Variants in PEX14 observed in about 807,000 individuals in gnomAD.
PEX14 encodes peroxisomal membrane protein PEX14.
PEX14 carries 15 observed loss-of-function variants against 49.5 expected under a neutral mutation model. The ratio of observed to expected loss-of-function variants is 0.30; its 90% CI spans 0.20 to 0.47. PEX14 has a LOEUF of 0.47. Among genes scored for constraint, PEX14 ranks in the 20% least tolerant of loss-of-function variants. The pLI is 1.00. For synonymous variants in PEX14, 210 were observed against 212.7 expected, an observed-to-expected ratio of 0.99 and a Z score of 0.11; for missense variants, 398 against 494.8, an observed-to-expected ratio of 0.80 and a Z score of 1.86.
intron 1 of PEX14, among the ~76,000 whole-genome samples, chr1:10,477,999 C>T (rs1475307484): frequency 1.3e-5 from 2 of 152,122 alleles, no homozygotes; most frequent in Non-Finnish European, 2.9e-5. Context: ...AGTGATTCTC[C>T]TGCCTCAGCC....
At position 10,585,786 on chromosome 1, in the gene PEX14, C is replaced by T. The variant is rs74319968; in HGVS notation, c.170-13452C>T. Among the ~76,000 whole-genome samples the T allele has an allele frequency of 9.2e-5, 14 of 152,344 alleles. No homozygotes were observed. In the East Asian group the frequency reaches 2.5e-3, roughly 27 times the overall value. ...TGGTGCATGCCTGTAATCCCAGCTA[C>T]TCCGGAGTCTGAGGCAGGAGAATTG... On this transcript the variant is annotated intron_variant, in intron 3 of 8. Coordinates refer to ENST00000356607, the MANE Select transcript of PEX14 (RefSeq NM_004565.3).
intron 5 of PEX14, among the ~76,000 whole-genome samples, chr1:10,622,131 C>T (rs959042562): frequency 4.6e-5 from 7 of 152,190 alleles, no homozygotes; most frequent in African/African-American, 1.7e-4. Context: ...CACCCCTCCA[C>T]ACCCTCACCT....
rs146551340 is a variant in PEX14, at chr1:10,514,362, C to T, written c.84+19041C>T. Among the ~76,000 whole-genome samples the T allele has an allele frequency of 4.2e-3, 645 of 152,230 alleles. 5 individuals carry two copies. Among genetic ancestry groups the T allele is most frequent in the African/African-American group, 0.015 (610 of 41,522 alleles). ...CCTGTGTACGCACGTGGTCGTCACC[C>T]GCCAGAAAGATGCCATAGTGAGGTG... is the stretch of plus-strand genomic sequence containing the variant. On this transcript the variant is annotated intron_variant, in intron 2 of 8. Coordinates refer to ENST00000356607, the MANE Select transcript of PEX14 (RefSeq NM_004565.3). The surrounding 1 kb of genome is among the most constrained non-coding windows in gnomAD (Gnocchi z 4.4).
chr1:10,629,523 C>T lies in PEX14; in HGVS notation c.678-8C>T. The stretch of plus-strand genomic sequence containing the variant: ...GCCACCAACCTCCTCCCCTTCTTCT[C>T]CCTCTAGGAGGCAGTTCCCTCCATC... On this transcript the variant is annotated splice_polypyrimidine_tract_variant and splice_region_variant and intron_variant, in intron 8 of 8. Coordinates refer to ENST00000356607, the MANE Select transcript of PEX14 (RefSeq NM_004565.3). The surrounding 1 kb of genome is among the most constrained non-coding windows in gnomAD (Gnocchi z 8.5). 6.2e-7 allele frequency: 1 copy of T among 1,600,776 alleles called. No individual in the cohort carries two copies. Among genetic ancestry groups the T allele is most frequent in the Non-Finnish European group, 8.6e-7 (1 of 1,168,794 alleles).
At chr1:10,534,469 CTTTT>C (rs1442772993) in intron 2 of PEX14, among the ~76,000 whole-genome samples, 1 of 152,080 alleles carries the variant, frequency 6.6e-6, no homozygotes, top group Non-Finnish European at 1.5e-5. Context: ...ATCCCCTTTT[CTTTT>C]TTCTCTTTTT....
intron 4 of PEX14, among the ~76,000 whole-genome samples, chr1:10,614,510 C>T (rs1047322495): frequency 3.9e-5 from 6 of 152,130 alleles, no homozygotes; most frequent in Admixed American, 3.9e-4. Flanking sequence ...TGGTCCTCAA[C>T]CCACACAGCC....
At chr1:10,523,281 C>T (rs1638360181) in intron 2 of PEX14, among the ~76,000 whole-genome samples, 2 of 152,132 alleles carry the variant, frequency 1.3e-5, no homozygotes, top group South Asian at 2.1e-4. Flanking sequence ...AGTAAAGCTT[C>T]GCAGCGTATA....
chr1:10,534,920 G>A (rs1638755456), intron 2 of PEX14, among the ~76,000 whole-genome samples: 1 of 152,082 alleles, frequency 6.6e-6, no homozygotes, highest in Admixed American at 6.5e-5. Context: ...AAGTCTGTCT[G>A]GTCTCAGGAT....
intron 4 of PEX14, among the ~76,000 whole-genome samples, chr1:10,602,704 G>A (rs1252127103): frequency 6.6e-6 from 1 of 152,156 alleles, no homozygotes; most frequent in East Asian, 1.9e-4. Context: ...ATATTTAAAT[G>A]ATTAATTGGG....
chr1:10,518,135 G>T (rs764364155), intron 2 of PEX14, among the ~76,000 whole-genome samples: 1 of 151,558 alleles, frequency 6.6e-6, no homozygotes, highest in Non-Finnish European at 1.5e-5. Flanking sequence ...GTGCTTTTTC[G>T]CTCTCCTCTC....
chr1:10,606,995 G>T (rs1293601611), intron 4 of PEX14, among the ~76,000 whole-genome samples: 1 of 152,050 alleles, frequency 6.6e-6, no homozygotes, highest in African/African-American at 2.4e-5. Flanking sequence ...ACCCTGAAAG[G>T]TTCCCTTGGG....
chr1:10,555,701 T>G (rs975751039), intron 3 of PEX14, among the ~76,000 whole-genome samples: 1 of 151,868 alleles, frequency 6.6e-6, no homozygotes, highest in African/African-American at 2.4e-5. Flanking sequence ...CCGCAGTGCC[T>G]GTGTTTACCA....
chr1:10,555,642 AGT>A lies in PEX14; in HGVS notation c.169+19369_169+19370del, dbSNP rs56824548. On this transcript the variant is annotated intron_variant, in intron 3 of 8. Coordinates refer to ENST00000356607, the MANE Select transcript of PEX14 (RefSeq NM_004565.3). ...GTGAGAGCAGAGCCGGCAAGGTGTG[AGT>A]GTGTGTGTGTGTGTGTGTGTGTGCA... Among the ~76,000 whole-genome samples the A allele has an allele frequency of 2.2e-3, 326 of 149,470 alleles. 3 individuals are homozygous for A. The highest frequency in any genetic ancestry group is 9.7e-3 in the South Asian group (45 of 4,644).
intron 3 of PEX14, among the ~76,000 whole-genome samples, chr1:10,572,086 A>G (rs1013862444): frequency 1.3e-5 from 2 of 152,146 alleles, no homozygotes; most frequent in African/African-American, 4.8e-5. Context: ...CAGATTGAGA[A>G]TTTCCTGAAA....
At chr1:10,561,797 A>G (rs1639659216) in intron 3 of PEX14, among the ~76,000 whole-genome samples, 1 of 152,014 alleles carries the variant, frequency 6.6e-6, no homozygotes, top group Non-Finnish European at 1.5e-5. Flanking sequence ...TAACTGTATT[A>G]TTACTCATTT....
intron 2 of PEX14, among the ~76,000 whole-genome samples, chr1:10,507,854 A>G (rs950882348): frequency 1.3e-5 from 2 of 152,216 alleles, no homozygotes; most frequent in Non-Finnish European, 2.9e-5. Context: ...CCTCATTGTC[A>G]GAGTTAAGGC....
chr1:10,502,226 A>G (rs1641694572), intron 2 of PEX14, among the ~76,000 whole-genome samples: 1 of 152,184 alleles, frequency 6.6e-6, no homozygotes, highest in Non-Finnish European at 1.5e-5. Context: ...TTTTAACACT[A>G]GTGTCCGTGT....
intron 3 of PEX14, among the ~76,000 whole-genome samples, chr1:10,548,893 C>T (rs1193675402): frequency 6.6e-6 from 1 of 152,208 alleles, no homozygotes; most frequent in Non-Finnish European, 1.5e-5. Flanking sequence ...GAGCTGATCT[C>T]CTCAGAACTC....
intron 4 of PEX14, among the ~76,000 whole-genome samples, chr1:10,609,172 C>A (rs1193546719): frequency 4.6e-5 from 7 of 152,156 alleles, no homozygotes; most frequent in Non-Finnish European, 8.8e-5. Flanking sequence ...AGTCGATGGA[C>A]ATTTAGATTG....
Sources: allele counts gnomAD v4.1 joint callset (sites outside exome capture counted in the v4.1 genomes callset), GRCh38; gene constraint gnomAD v4.1.1; non-coding constraint Gnocchi (gnomAD v3.1); transcripts MANE v1.5; gene names NCBI Gene and HGNC (gene_info 2026-07-23, HGNC 2026-07-21).